The following RTCB variants were observed in gnomAD, a reference collection of about 807,000 sequenced individuals.
RTCB encodes the protein RNA-splicing ligase RTCB.
In RTCB, 32 loss-of-function variants were observed where a neutral mutation model predicts 58.2. That is an observed-to-expected ratio of 0.55 (90% CI 0.41 to 0.74). The LOEUF (loss-of-function observed/expected upper bound fraction) is 0.74, where lower values mean the gene tolerates loss of function less well. RTCB is among the 30% of genes least tolerant of loss of function. The pLI, the probability that RTCB is intolerant of heterozygous loss-of-function variation, is 0.00. For synonymous variants in RTCB, 247 were observed against 218.6 expected, an observed-to-expected ratio of 1.13 and a Z score of -1.15; for missense variants, 523 against 639.0, an observed-to-expected ratio of 0.82 and a Z score of 1.96.
chr22:32,407,667 G>A (rs73881696), intron 3 of RTCB: 4 of 152,576 alleles, frequency 2.6e-5, no homozygotes, highest in East Asian at 1.9e-4. Flanking sequence ...AAACTACTTC[G>A]AAGGTTCTTA....
At position 32,387,950 on chromosome 22, in the gene RTCB, A is replaced by C; in HGVS notation, c.*42T>G. On this transcript the variant is annotated 3_prime_UTR_variant, in exon 12 of 12. Transcript: ENST00000216038. Reference sequence around the variant, plus strand: ...GAGCATGTCAGTCCACTTCCACTTCAGAGAGGGTTGGTGGTGTCAGGCAGC... The same window carrying C: ...GAGCATGTCAGTCCACTTCCACTTCCGAGAGGGTTGGTGGTGTCAGGCAGC... 2 of 1,280,720 alleles carry C rather than the reference A, an allele frequency of 1.6e-6. No individual in the cohort carries two copies. The highest frequency in any genetic ancestry group is 2.3e-6 in the Non-Finnish European group (2 of 877,530). 79.3% of individuals were successfully genotyped at this position (1,280,720 alleles called of 1,614,324 possible). A position where few individuals can be genotyped will look rare whatever the true frequency, so the allele number is the denominator to read the frequency against.
At chr22:32,393,574 G>C (rs1349132720) in intron 10 of RTCB, among the ~76,000 whole-genome samples, 1 of 152,178 alleles carries the variant, frequency 6.6e-6, no homozygotes, top group Non-Finnish European at 1.5e-5. Context: ...TGTGATATTT[G>C]CATCAGTTAA....
intron 11 of RTCB, among the ~76,000 whole-genome samples, chr22:32,389,320 G>A (rs56241612): frequency 0.035 from 5,274 of 152,162 alleles, 289 homozygotes; most frequent in African/African-American, 0.12. Flanking sequence ...GAAAAAAATA[G>A]AAGCAGCCAG....
intron 5 of RTCB, 155 bp downstream of exon 5, chr22:32,401,592 G>C: frequency 1.7e-5 from 12 of 714,246 alleles, no homozygotes; most frequent in Non-Finnish European, 2.5e-5. Context: ...TCCAATAAAT[G>C]GGCTGTACCT....
At chr22:32,392,498 A>C in intron 10 of RTCB, 139 bp from the exon 11 acceptor site, 215 of 1,083,276 alleles carry the variant, frequency 2.0e-4, no homozygotes, top group Non-Finnish European at 2.7e-4. Context: ...TTTAAACCTC[A>C]TCATATCCTT....
chr22:32,402,431 A>G (rs962089238), intron 4 of RTCB, among the ~76,000 whole-genome samples: 3 of 152,198 alleles, frequency 2.0e-5, no homozygotes, highest in Non-Finnish European at 4.4e-5. Context: ...CAGTGACCTC[A>G]AAATTTTAGA....
At chr22:32,402,065 C>A (rs370826873) in intron 4 of RTCB, among the ~76,000 whole-genome samples, 162 bp from the exon 5 acceptor site, 3 of 152,088 alleles carry the variant, frequency 2.0e-5, no homozygotes, top group African/African-American at 7.2e-5. Context: ...CTTGATGACA[C>A]CAAGATAATC....
chr22:32,399,918 T>C (rs996492958), intron 5 of RTCB, 159 bp from the exon 6 acceptor site: 17 of 550,744 alleles, frequency 3.1e-5, no homozygotes, highest in Non-Finnish European at 5.2e-5. Flanking sequence ...AGTAACTGGT[T>C]TTTTGAGGAA....
At position 32,393,742 on chromosome 22, in the gene RTCB, A is replaced by G. The variant is rs898360176; in HGVS notation, c.1290+150T>C. 1.6e-5 allele frequency: 10 copies of G among 612,744 alleles called. No individual in the cohort carries two copies. The African/African-American group carries it at 1.6e-4, about 10-fold the overall frequency. 38.0% of individuals were successfully genotyped at this position (612,744 alleles called of 1,614,324 possible). ...GACCCCAGTCAGTTCACTAAATAGT[A>G]TACATTATGGGGAACAATTTGAAGT... On this transcript the variant is annotated intron_variant, in intron 10 of 11. Transcript: ENST00000216038.
intron 4 of RTCB, among the ~76,000 whole-genome samples, 190 bp downstream of exon 4, chr22:32,406,472 G>A (rs1021398634): frequency 9.9e-5 from 15 of 152,032 alleles, no homozygotes; most frequent in Admixed American, 6.5e-4. Flanking sequence ...ACAGGTGCGC[G>A]TCACCACCCC....
At chr22:32,395,936 T>G in intron 8 of RTCB, 138 bp downstream of exon 8, 4 of 721,758 alleles carry the variant, frequency 5.5e-6, no homozygotes, top group South Asian at 5.3e-5. Flanking sequence ...CCTAACCTTG[T>G]GATCCGCCCC....
intron 5 of RTCB, among the ~76,000 whole-genome samples, chr22:32,401,254 C>A (rs1480582311): frequency 6.6e-6 from 1 of 151,226 alleles, no homozygotes; most frequent in African/African-American, 2.5e-5. Context: ...AGCCATCATG[C>A]CTAGTTAATT....
At chr22:32,392,133 C>A (rs1248149589) in intron 11 of RTCB, 107 bp downstream of exon 11, 63 of 1,218,770 alleles carry the variant, frequency 5.2e-5, no homozygotes, top group South Asian at 2.7e-4. Context: ...AAAAAATAAC[C>A]CAAACAATTT....
intron 1 of RTCB, 75 bp downstream of exon 1, chr22:32,411,989 C>G: frequency 8.7e-7 from 1 of 1,151,680 alleles, no homozygotes; most frequent in South Asian, 1.4e-5. Context: ...CAGGGGAGGT[C>G]CAGAGGGCGC....
intron 7 of RTCB, among the ~76,000 whole-genome samples, chr22:32,397,654 A>T (rs73168721): frequency 6.6e-6 from 1 of 152,164 alleles, no homozygotes; most frequent in Non-Finnish European, 1.5e-5. Context: ...AGTAACTCAT[A>T]AGAGTAAACA....
chr22:32,407,928 T>A (rs1569443221), intron 3 of RTCB: 4 of 459,408 alleles, frequency 8.7e-6, no homozygotes, highest in Non-Finnish European at 1.6e-5. Flanking sequence ...ACCTGACTAA[T>A]TTTTTTGGTA....
chr22:32,405,517 C>T (rs558621999), intron 4 of RTCB, among the ~76,000 whole-genome samples: 7 of 152,260 alleles, frequency 4.6e-5, no homozygotes, highest in South Asian at 2.1e-4. Flanking sequence ...TTAGAGGTCA[C>T]GTGTCAAGTT....
At chr22:32,399,086 C>T (rs1459428061) in intron 6 of RTCB, among the ~76,000 whole-genome samples, 2 of 152,088 alleles carry the variant, frequency 1.3e-5, no homozygotes, top group African/African-American at 2.4e-5. Context: ...GACGTATGAA[C>T]CTGATAAACA....
chr22:32,392,521 C>A (rs1933171385), intron 10 of RTCB, 162 bp from the exon 11 acceptor site: 1 of 940,748 alleles, frequency 1.1e-6, no homozygotes. Flanking sequence ...AGATTTTGGA[C>A]CGGAGAATTC....
Sources: allele counts gnomAD v4.1 joint callset (sites outside exome capture counted in the v4.1 genomes callset), GRCh38; gene constraint gnomAD v4.1.1; transcripts MANE v1.5; gene names NCBI Gene and HGNC (gene_info 2026-07-23, HGNC 2026-07-21).